CSMD2: variants seen among roughly 807,000 people sequenced by gnomAD.
CSMD2 encodes CUB and Sushi multiple domains 2, also known as CUB and sushi domain-containing protein 2.
CSMD2 carries 130 observed loss-of-function variants against 398.5 expected under a neutral mutation model. That is an observed-to-expected ratio of 0.33 (90% CI 0.28 to 0.38). The LOEUF (loss-of-function observed/expected upper bound fraction) is 0.38, where lower values mean the gene tolerates loss of function less well. Among genes scored for constraint, CSMD2 ranks in the 10% least tolerant of loss-of-function variants. The pLI, the probability that CSMD2 is intolerant of heterozygous loss-of-function variation, is 1.00. For synonymous variants in CSMD2, 1,828 were observed against 1,908.5 expected (o/e 0.96, Z 1.10); for missense variants, 3,829 against 4,764.9 (o/e 0.80, Z 5.78).
chr1:33,606,976 G>C (rs1222157055), intron 41 of CSMD2, among the ~76,000 whole-genome samples: 1 of 152,212 alleles, frequency 6.6e-6, no homozygotes, highest in African/African-American at 2.4e-5. Context: ...GACTCCTCAG[G>C]AAAGCAAGTG....
chr1:33,825,048 C>A (rs1356510443), intron 7 of CSMD2, among the ~76,000 whole-genome samples: 1 of 152,166 alleles, frequency 6.6e-6, no homozygotes, highest in Non-Finnish European at 1.5e-5. Flanking sequence ...TTCTGGGACC[C>A]ACATTCCAGA....
chr1:34,110,058 A>AT (rs1660909328), intron 1 of CSMD2, among the ~76,000 whole-genome samples: 1 of 151,250 alleles, frequency 6.6e-6, no homozygotes, highest in Non-Finnish European at 1.5e-5. Context: ...AAAAAAAAAA[A>AT]AAAGACATAT....
chr1:33,738,997 T>G, intron 15 of CSMD2, 143 bp downstream of exon 15: 1 of 671,014 alleles, frequency 1.5e-6, no homozygotes, highest in Non-Finnish European at 2.4e-6. Flanking sequence ...TATTCCAGCA[T>G]GAGGGTGAGA....
At chr1:34,023,304 G>C (rs1649173549) in intron 3 of CSMD2, among the ~76,000 whole-genome samples, 1 of 152,212 alleles carries the variant, frequency 6.6e-6, no homozygotes, top group Admixed American at 6.5e-5. Context: ...CCTTCAAGTT[G>C]TTCAAGTTGA....
At chr1:33,588,589 A>G (rs1044090898) in intron 44 of CSMD2, among the ~76,000 whole-genome samples, 1 of 152,226 alleles carries the variant, frequency 6.6e-6, no homozygotes, top group Non-Finnish European at 1.5e-5. Context: ...AAAAGTAATT[A>G]AGACAAAATA....
chr1:34,131,203 G>T (rs1663308527), intron 1 of CSMD2, among the ~76,000 whole-genome samples: 1 of 152,134 alleles, frequency 6.6e-6, no homozygotes. Context: ...TGAGGCAGGG[G>T]CTATTATAAC....
At chr1:34,142,481 G>A (rs888418873) in intron 1 of CSMD2, among the ~76,000 whole-genome samples, 7 of 152,146 alleles carry the variant, frequency 4.6e-5, no homozygotes, top group Non-Finnish European at 7.3e-5. Context: ...TGGTGATCCC[G>A]TCACCATCTC....
intron 3 of CSMD2, among the ~76,000 whole-genome samples, chr1:34,028,996 C>T (rs1241033693): frequency 6.6e-6 from 1 of 152,160 alleles, no homozygotes; most frequent in Admixed American, 6.5e-5. Context: ...TTTTCACATT[C>T]TGGATGAGGG....
intron 6 of CSMD2, chr1:33,839,824 G>A (rs1660670809): frequency 1.3e-5 from 2 of 152,990 alleles, no homozygotes; most frequent in African/African-American, 2.4e-5. Context: ...AGTTAGTATA[G>A]AAATAATTAA....
intron 31 of CSMD2, among the ~76,000 whole-genome samples, chr1:33,634,985 C>T (rs1308299080): frequency 6.6e-6 from 1 of 152,168 alleles, no homozygotes; most frequent in Non-Finnish European, 1.5e-5. Context: ...CCAACTCTGT[C>T]CCCTTGGTTC....
chr1:33,557,660 AT>A, intron 55 of CSMD2, 73 bp downstream of exon 55: 38 of 1,264,212 alleles, frequency 3.0e-5, no homozygotes, highest in East Asian at 5.1e-5. Flanking sequence ...ACACACACAC[AT>A]GCACAGAGGG....
chr1:33,784,034 G>A (rs1653188892), intron 12 of CSMD2, among the ~76,000 whole-genome samples: 1 of 151,446 alleles, frequency 6.6e-6, no homozygotes, highest in Non-Finnish European at 1.5e-5. Flanking sequence ...TATACAGGTG[G>A]GTGGGTTTGA....
At chr1:33,907,421 C>G (rs1305754191) in intron 5 of CSMD2, among the ~76,000 whole-genome samples, 1 of 152,040 alleles carries the variant, frequency 6.6e-6, no homozygotes. Flanking sequence ...GCCACCACAC[C>G]CGGCCCTTTG....
At chr1:33,756,870 C>G (rs369154691) in intron 13 of CSMD2, among the ~76,000 whole-genome samples, 1 of 151,954 alleles carries the variant, frequency 6.6e-6, no homozygotes, top group African/African-American at 2.4e-5. Flanking sequence ...ATGTTTATTG[C>G]GGCATTATTC....
chr1:33,839,367 G>A (rs1189122370), intron 6 of CSMD2: 1 of 152,296 alleles, frequency 6.6e-6, no homozygotes, highest in Non-Finnish European at 1.5e-5. Context: ...CAAAACTCCA[G>A]GCTTTGGTGA....
In CSMD2 at chr1:33,540,679, A is replaced by G; in HGVS notation, c.9477T>C (p.Pro3159=). The G allele has an allele frequency of 6.2e-7, 1 of 1,614,176 alleles. No homozygotes were observed. Among genetic ancestry groups the G allele is most frequent in the East Asian group, 2.2e-5 (1 of 44,876 alleles). ...CCACCTTCCCATTGGGGATGAGCGG[A>G]GGTGGCTTGCACATGAGAGCTGGAG... ...PVCKALMCKP[P]PLIPNGKVVG... is the part of the protein sequence containing the mutation. The change falls in exon 60 of 71, where the codon CCT becomes CCC. Residue 3159 remains proline, a synonymous_variant. Coordinates refer to ENST00000373381, the MANE Select transcript of CSMD2 (RefSeq NM_001281956.2).
rs959288429 is a variant in CSMD2, at chr1:34,163,090, G to T, written c.187+1821C>A. Among the ~76,000 whole-genome samples the T allele has an allele frequency of 6.6e-6, 1 of 152,204 alleles. No individual in the cohort carries two copies. Among genetic ancestry groups the T allele is most frequent in the African/African-American group, 2.4e-5 (1 of 41,454 alleles). On this transcript the variant is annotated intron_variant, in intron 1 of 70. Transcript: ENST00000373381. This position sits in a 1 kb window ranked among gnomAD's most constrained non-coding sequence, Gnocchi z 5.4. The stretch of plus-strand genomic sequence containing the variant: ...GAGTCGGCCTTTTTCTCTCCCCTAG[G>T]GGCAGGATATGCCCAAGGGGCAGGG...
At chr1:33,934,091 T>C (rs1017863249) in intron 4 of CSMD2, among the ~76,000 whole-genome samples, 1 of 152,202 alleles carries the variant, frequency 6.6e-6, no homozygotes, top group Non-Finnish European at 1.5e-5. Context: ...AGTGTGTGCA[T>C]GTGGCAGGAA....
At chr1:33,787,842 C>T (rs1052973437) in intron 12 of CSMD2, among the ~76,000 whole-genome samples, 1 of 152,100 alleles carries the variant, frequency 6.6e-6, no homozygotes, top group African/African-American at 2.4e-5. Flanking sequence ...TCCCTTAATG[C>T]CTATTCTAAG....
Sources: gnomAD v4.1 joint callset for allele counts (sites outside exome capture counted in the v4.1 genomes callset) on GRCh38, gnomAD v4.1.1 for gene constraint, Gnocchi (gnomAD v3.1) non-coding constraint, MANE v1.5 for transcripts, NCBI Gene and HGNC (gene_info 2026-07-23, HGNC 2026-07-21) for gene names.